Variants in CYREN observed in about 807,000 individuals in gnomAD.
CYREN encodes cell cycle regulator of NHEJ.
A neutral mutation model predicts 9.7 loss-of-function variants in CYREN; 7 were observed. That is an observed-to-expected ratio of 0.72 (90% CI 0.41 to 1.36). The LOEUF (loss-of-function observed/expected upper bound fraction) is 1.36, where lower values mean the gene tolerates loss of function less well. CYREN is among the 40% of genes most tolerant of loss of function. The probability of loss-of-function intolerance (pLI) is 0.01; values close to 1 mark genes in which losing one functional copy is unlikely to be tolerated. For synonymous variants in CYREN, 76 were observed against 77.9 expected, an observed-to-expected ratio of 0.98 and a Z score of 0.13; for missense variants, 215 against 198.1, an observed-to-expected ratio of 1.09 and a Z score of -0.51.
chr7:135,137,882 C>T (rs554008584), intron 2 of CYREN, among the ~76,000 whole-genome samples: 1 of 152,120 alleles, frequency 6.6e-6, no homozygotes, highest in East Asian at 1.9e-4. Flanking sequence ...TGTATCCTCG[C>T]ATGGTAGGGA....
In CYREN at chr7:135,165,822, T is replaced by C. The variant is rs1414983262; in HGVS notation, c.*789A>G. The stretch of plus-strand genomic sequence containing the variant: ...GTGTGTATTTTCTAGCACTTGTGTA[T>C]TGGAAAACCTGTATGGCAGTGATTT... On this transcript the variant is annotated 3_prime_UTR_variant, in exon 4 of 4. Coordinates refer to ENST00000393114, the MANE Select transcript of CYREN (RefSeq NM_024033.4). The C allele has an allele frequency of 6.6e-5, 11 of 167,144 alleles. No individual in the cohort carries two copies. The highest frequency in any genetic ancestry group is 2.7e-4 in the African/African-American group (11 of 41,460). 10.4% of individuals were successfully genotyped at this position (167,144 alleles called of 1,614,324 possible).
intron 2 of CYREN, among the ~76,000 whole-genome samples, chr7:135,118,542 A>C (rs1826647184): frequency 6.6e-6 from 1 of 152,184 alleles, no homozygotes; most frequent in Admixed American, 6.6e-5. Context: ...GAGCAAACTA[A>C]CAAAAAGCCA....
intron 2 of CYREN, among the ~76,000 whole-genome samples, chr7:135,146,475 T>G (rs144195712): frequency 2.8e-4 from 42 of 152,286 alleles, no homozygotes; most frequent in Non-Finnish European, 5.7e-4. Context: ...ACTTGCTCGA[T>G]GCAAAAATGC....
intron 2 of CYREN, among the ~76,000 whole-genome samples, chr7:135,158,673 G>C (rs1427164387): frequency 6.6e-6 from 1 of 151,122 alleles, no homozygotes; most frequent in East Asian, 1.9e-4. Flanking sequence ...CCTGGGATCA[G>C]AGAGTGTCCC....
intron 2 of CYREN, chr7:135,129,579 T>G: frequency 1.3e-6 from 1 of 771,958 alleles, no homozygotes; most frequent in Non-Finnish European, 2.4e-6. Flanking sequence ...GAGTTCTCTC[T>G]CTAGAGCAAA....
At chr7:135,146,441 C>T (rs1434092244) in intron 2 of CYREN, among the ~76,000 whole-genome samples, 1 of 152,024 alleles carries the variant, frequency 6.6e-6, no homozygotes, top group African/African-American at 2.4e-5. Flanking sequence ...TGAGCAAAGG[C>T]TATTGAAAAA....
intron 2 of CYREN, among the ~76,000 whole-genome samples, chr7:135,121,966 G>A (rs368974650): frequency 2.0e-5 from 3 of 152,228 alleles, no homozygotes; most frequent in East Asian, 3.8e-4. Flanking sequence ...CCCCAGAGCC[G>A]TGAAGTTTCT....
chr7:135,099,882 C>CTTTTTTTTTTTTTTTTTTTTT (rs34324217), intron 2 of CYREN: 1 of 62,700 alleles, frequency 1.6e-5, no homozygotes, highest in Non-Finnish European at 2.8e-5. Context: ...CTGAGTTTCT[C>CTTTTTTTTTTTTTTTTTTTTT]TTTTTTTTTT....
intron 2 of CYREN, among the ~76,000 whole-genome samples, chr7:135,103,485 T>C (rs1824169864): frequency 6.6e-6 from 1 of 152,192 alleles, no homozygotes; most frequent in Non-Finnish European, 1.5e-5. Flanking sequence ...TGCATGCTTT[T>C]TTCTTAGGAA....
chr7:135,140,968 T>C (rs1410768513), intron 2 of CYREN, among the ~76,000 whole-genome samples: 1 of 152,168 alleles, frequency 6.6e-6, no homozygotes, highest in Non-Finnish European at 1.5e-5. Context: ...TAGTATTTTG[T>C]TGAGGATTTT....
At chr7:135,129,665 T>C in intron 2 of CYREN, 2 of 778,936 alleles carry the variant, frequency 2.6e-6, no homozygotes, top group Non-Finnish European at 4.7e-6. Flanking sequence ...TTGATGAAGA[T>C]ATTTGGGAAG....
chr7:135,112,260 T>C (rs1825748473), intron 2 of CYREN, among the ~76,000 whole-genome samples: 1 of 152,242 alleles, frequency 6.6e-6, no homozygotes, highest in Admixed American at 6.5e-5. Context: ...TTTGTTTTCC[T>C]GGGTCCCAGT....
At chr7:135,105,039 G>C (rs549406482) in intron 2 of CYREN, among the ~76,000 whole-genome samples, 1 of 150,096 alleles carries the variant, frequency 6.7e-6, no homozygotes, top group South Asian at 2.1e-4. Flanking sequence ...TTGTCTTCCA[G>C]GGTTTTTATA....
intron 2 of CYREN, among the ~76,000 whole-genome samples, chr7:135,131,797 T>G (rs1290916940): frequency 6.6e-6 from 1 of 152,020 alleles, no homozygotes; most frequent in Non-Finnish European, 1.5e-5. Context: ...GACAAACTTC[T>G]ATTAATACTG....
chr7:135,151,349 C>T lies in CYREN; in HGVS notation n.356+17400G>A, dbSNP rs1829661573. ...ATATGACACATTTCCCTTTCTTCTT[C>T]CCTTTTTATTTTTGTGACAGCCACA... On this transcript the variant is annotated intron_variant and non_coding_transcript_variant, in intron 2 of 2. Transcript: ENST00000459937. The surrounding 1 kb of genome is among the most constrained non-coding windows in gnomAD (Gnocchi z 4.3). Among the ~76,000 whole-genome samples the T allele has an allele frequency of 6.6e-6, 1 of 152,148 alleles. No homozygotes were observed. The highest frequency in any genetic ancestry group is 2.1e-4 in the South Asian group (1 of 4,830).
At chr7:135,134,893 G>A in intron 2 of CYREN, 1 of 1,551,166 alleles carries the variant, frequency 6.4e-7, no homozygotes, top group African/African-American at 1.4e-5. Flanking sequence ...ATCTTGGACA[G>A]CACCCAGAAA....
At chr7:135,164,523 A>T (rs1299577586), downstream of CYREN, 2 of 1,613,950 alleles carry the variant, frequency 1.2e-6, no homozygotes, top group African/African-American at 2.7e-5. Context: ...CATCTGCCTG[A>T]TGTTTTACGC....
upstream of CYREN, chr7:135,170,740 G>A (rs292507): frequency 0.45 from 68,070 of 152,216 alleles, 15,796 homozygotes; most frequent in East Asian, 0.75. Context: ...CGCGCGCTCC[G>A]GGGTCCCGCG....
Position 135,107,527 on chromosome 7 carries a change from A to G in CYREN, n.357-12945T>C, listed in dbSNP as rs1013366087. Among the ~76,000 whole-genome samples the G allele has an allele frequency of 2.8e-4, 43 of 152,160 alleles. 1 individual carries two copies. Among genetic ancestry groups the G allele is most frequent in the African/African-American group, 9.4e-4 (39 of 41,438 alleles). On this transcript the variant is annotated intron_variant and non_coding_transcript_variant, in intron 2 of 2. Coordinates refer to the CYREN transcript ENST00000459937. ...GTTTCCCTGTAATTGCATGGTTTTGAGCAAATTTTTTAAATCTTGATTTCT... is the reference window on the plus strand; with the variant it reads ...GTTTCCCTGTAATTGCATGGTTTTGGGCAAATTTTTTAAATCTTGATTTCT...
Sources: gnomAD v4.1 joint callset for allele counts (sites outside exome capture counted in the v4.1 genomes callset) on GRCh38, gnomAD v4.1.1 for gene constraint, Gnocchi (gnomAD v3.1) non-coding constraint, MANE v1.5 for transcripts, NCBI Gene and HGNC (gene_info 2026-07-23, HGNC 2026-07-21) for gene names.